The following NPAS3 variants were observed in gnomAD, a reference collection of about 807,000 sequenced individuals.
NPAS3 encodes the protein neuronal PAS domain-containing protein 3.
In NPAS3, 14 loss-of-function variants were observed where a neutral mutation model predicts 73.1. The ratio of observed to expected loss-of-function variants is 0.19; its 90% CI spans 0.13 to 0.30. The LOEUF is 0.30. Ranked by LOEUF, NPAS3 falls within the 10% of genes least tolerant of loss-of-function variation. NPAS3 has a pLI of 1.00. For missense variants in NPAS3, 1,096 were observed against 1,250.0 expected (o/e 0.88, Z 1.86); for synonymous variants, 620 against 541.5 (o/e 1.14, Z -2.01).
At chr14:33,175,667 G>C (rs1429351618) in intron 2 of NPAS3, among the ~76,000 whole-genome samples, 1 of 152,060 alleles carries the variant, frequency 6.6e-6, no homozygotes, top group Non-Finnish European at 1.5e-5. Flanking sequence ...TTGAATAGTT[G>C]AGTGGAAAAA....
chr14:33,301,324 T>TATATATATCTATATATATATATATATATA (rs56204986), intron 3 of NPAS3, among the ~76,000 whole-genome samples: 1 of 75,648 alleles, frequency 1.3e-5, no homozygotes, highest in South Asian at 4.0e-4. Context: ...ATATATATAT[T>TATATATATCTATATATATATATATATATA]TTTTTTTTTT....
At chr14:33,589,159 T>C (rs1471662442) in intron 5 of NPAS3, among the ~76,000 whole-genome samples, 1 of 152,236 alleles carries the variant, frequency 6.6e-6, no homozygotes, top group African/African-American at 2.4e-5. Flanking sequence ...AATGTCAGGC[T>C]TATAACTAAA....
At chr14:33,744,918 G>A (rs566278261) in intron 7 of NPAS3, among the ~76,000 whole-genome samples, 4 of 151,984 alleles carry the variant, frequency 2.6e-5, no homozygotes, top group African/African-American at 9.6e-5. Context: ...TTTGAAGCAG[G>A]GTTGCCACAA....
intron 7 of NPAS3, among the ~76,000 whole-genome samples, chr14:33,747,729 A>G (rs2061847638): frequency 1.3e-5 from 2 of 152,218 alleles, no homozygotes; most frequent in Non-Finnish European, 2.9e-5. Flanking sequence ...GCAATTGTCT[A>G]TGGAAACAAA....
At chr14:33,578,256 C>T (rs560210479) in intron 5 of NPAS3, 106 of 455,418 alleles carry the variant, frequency 2.3e-4, no homozygotes, top group South Asian at 1.1e-3. Flanking sequence ...TGCAATGACG[C>T]GATCTCAGCT....
At chr14:33,276,049 C>T (rs765162149) in intron 3 of NPAS3, among the ~76,000 whole-genome samples, 7 of 152,076 alleles carry the variant, frequency 4.6e-5, no homozygotes, top group Non-Finnish European at 1.0e-4. Flanking sequence ...CAGTTTCATG[C>T]TTTCTGTTCT....
At chr14:33,355,726 C>G (rs1423966966) in intron 3 of NPAS3, among the ~76,000 whole-genome samples, 2 of 152,154 alleles carry the variant, frequency 1.3e-5, no homozygotes, top group African/African-American at 4.8e-5. Flanking sequence ...ATCTTCTCTT[C>G]CCTTCACCTG....
At chr14:33,012,631 C>T (rs2039248046) in intron 1 of NPAS3, among the ~76,000 whole-genome samples, 2 of 151,918 alleles carry the variant, frequency 1.3e-5, no homozygotes, top group Non-Finnish European at 2.9e-5. Flanking sequence ...TCACTGCAAC[C>T]TCCGCCTCCC....
intron 1 of NPAS3, among the ~76,000 whole-genome samples, chr14:32,978,336 A>G (rs546402222): frequency 6.6e-6 from 1 of 152,306 alleles, no homozygotes; most frequent in African/African-American, 2.4e-5. Flanking sequence ...ACCCCAAAGG[A>G]GAAGCCCAAA....
At chr14:33,205,597 T>G (rs529694481) in intron 2 of NPAS3, among the ~76,000 whole-genome samples, 1 of 152,258 alleles carries the variant, frequency 6.6e-6, no homozygotes, top group South Asian at 2.1e-4. Context: ...AGTATACAGT[T>G]TCTTGAGGCT....
intron 4 of NPAS3, among the ~76,000 whole-genome samples, chr14:33,419,620 G>T (rs2048293979): frequency 6.6e-6 from 1 of 151,872 alleles, no homozygotes; most frequent in Non-Finnish European, 1.5e-5. Flanking sequence ...GACTAGAGAA[G>T]ATAATCTTTT....
intron 2 of NPAS3, among the ~76,000 whole-genome samples, chr14:33,157,242 T>C (rs974182726): frequency 5.3e-5 from 8 of 152,250 alleles, no homozygotes; most frequent in African/African-American, 1.9e-4. Context: ...AAGGTTCAAA[T>C]TATCTTTGAC....
At chr14:33,477,936 C>T (rs2051122404) in intron 4 of NPAS3, among the ~76,000 whole-genome samples, 1 of 152,068 alleles carries the variant, frequency 6.6e-6, no homozygotes, top group African/African-American at 2.4e-5. Flanking sequence ...CTCCCCAAAC[C>T]TTGCTGTTAC....
At chr14:33,768,200 G>A (rs999244253) in intron 7 of NPAS3, among the ~76,000 whole-genome samples, 1 of 152,222 alleles carries the variant, frequency 6.6e-6, no homozygotes, top group Non-Finnish European at 1.5e-5. Context: ...GGGCAGTGCT[G>A]TGTAAGGAGT....
intron 1 of NPAS3, among the ~76,000 whole-genome samples, chr14:33,051,146 C>T (rs1401190767): frequency 1.3e-5 from 2 of 151,184 alleles, no homozygotes; most frequent in Non-Finnish European, 2.9e-5. Context: ...CGGTGGCGGG[C>T]GCCTGTAGTC....
intron 3 of NPAS3, among the ~76,000 whole-genome samples, chr14:33,310,789 G>A (rs1362361653): frequency 1.3e-5 from 1 of 76,842 alleles, no homozygotes; most frequent in Non-Finnish European, 2.6e-5. Flanking sequence ...GAAATGTATG[G>A]TACACACACA....
At chr14:33,732,910 T>A (rs2061434604) in intron 6 of NPAS3, among the ~76,000 whole-genome samples, 1 of 152,162 alleles carries the variant, frequency 6.6e-6, no homozygotes, top group Admixed American at 6.5e-5. Flanking sequence ...CATGCTGTGG[T>A]CTCTAATGTA....
At chr14:33,581,120 C>G (rs2056647523) in intron 5 of NPAS3, among the ~76,000 whole-genome samples, 1 of 152,008 alleles carries the variant, frequency 6.6e-6, no homozygotes, top group South Asian at 2.1e-4. Context: ...AAAAACTTAC[C>G]CTGAAGTTTA....
chr14:33,061,271 T>C (rs1226356438), intron 2 of NPAS3, among the ~76,000 whole-genome samples: 1 of 152,222 alleles, frequency 6.6e-6, no homozygotes, highest in Admixed American at 6.5e-5. Flanking sequence ...GACTGATTGC[T>C]ATTATACAGT....
Sources: allele counts gnomAD v4.1 joint callset (sites outside exome capture counted in the v4.1 genomes callset), GRCh38; gene constraint gnomAD v4.1.1; transcripts MANE v1.5; gene names NCBI Gene and HGNC (gene_info 2026-07-23, HGNC 2026-07-21).